CNMD: variants seen among roughly 807,000 people sequenced by gnomAD.
The protein encoded by CNMD is leukocyte cell-derived chemotaxin 1.
CNMD carries 30 observed loss-of-function variants against 37.5 expected under a neutral mutation model. The ratio of observed to expected loss-of-function variants is 0.80; its 90% CI spans 0.60 to 1.09. The LOEUF (loss-of-function observed/expected upper bound fraction) is 1.09, where lower values mean the gene tolerates loss of function less well. Among genes scored for constraint, CNMD ranks in the 50% least tolerant of loss-of-function variants. The pLI, the probability that CNMD is intolerant of heterozygous loss-of-function variation, is 0.00. For missense variants in CNMD, 398 were observed against 423.9 expected (o/e 0.94, Z 0.54); for synonymous variants, 167 against 148.2 (o/e 1.13, Z -0.92).
chr13:52,736,364 A>G (rs1964764013), intron 2 of CNMD, among the ~76,000 whole-genome samples: 2 of 151,976 alleles, frequency 1.3e-5, no homozygotes, highest in African/African-American at 4.8e-5. Context: ...CCTGACCTCA[A>G]GTGATCCTCC....
chr13:52,724,417 C>CAAAAAAAAA (rs71094319), intron 3 of CNMD, among the ~76,000 whole-genome samples: 95 of 85,560 alleles, frequency 1.1e-3, no homozygotes, highest in African/African-American at 1.4e-3. Flanking sequence ...ACTAAAAATA[C>CAAAAAAAAA]AAAAAAAAAA....
Position 52,708,649 on chromosome 13 carries a change from T to C in CNMD, c.676A>G (p.Lys226Glu). Residue 226 changes from lysine (K) to glutamate (E), a missense_variant, in exon 6 of 7, where the codon AAA becomes GAA. Lys to Glu is a moderately conservative substitution (Grantham distance 56). Coordinates refer to ENST00000377962, the MANE Select transcript of CNMD (RefSeq NM_007015.3). Reference protein sequence around the residue: ...VVRKIVPTTTKRPHSGPRSNP... With the variant: ...VVRKIVPTTTERPHSGPRSNP... ...CTCCGTGGTCCACTGTGTGGTCTTT[T>C]TGTGGTAGTTGGAACAATTTTTCTT... 6.2e-7 allele frequency: 1 copy of C among 1,612,708 alleles called. No individual in the cohort carries two copies. The highest frequency in any genetic ancestry group is 1.1e-5 in the South Asian group (1 of 90,452).
chr13:52,706,403 C>G (rs1225137858), intron 6 of CNMD, among the ~76,000 whole-genome samples: 1 of 152,132 alleles, frequency 6.6e-6, no homozygotes, highest in Non-Finnish European at 1.5e-5. Context: ...ATACTAATAG[C>G]TAATATTGAG....
chr13:52,735,827 CTT>C (rs34873599), intron 2 of CNMD, among the ~76,000 whole-genome samples: 95 of 120,606 alleles, frequency 7.9e-4, no homozygotes, highest in Admixed American at 1.1e-3. Context: ...TGCGGCCCAC[CTT>C]TTTTTTTTTT....
intron 3 of CNMD, among the ~76,000 whole-genome samples, chr13:52,732,638 C>A (rs1045248703): frequency 1.3e-5 from 2 of 152,174 alleles, no homozygotes; most frequent in Non-Finnish European, 2.9e-5. Flanking sequence ...TAGATCCCAC[C>A]TGTTGTTGAT....
chr13:52,706,815 A>T (rs1964186521), intron 6 of CNMD, among the ~76,000 whole-genome samples: 1 of 152,036 alleles, frequency 6.6e-6, no homozygotes, highest in Admixed American at 6.6e-5. Flanking sequence ...TGCTTTGGGG[A>T]GGGTGTCTGG....
chr13:52,712,678 G>GA (rs768104398), intron 5 of CNMD, 38 bp downstream of exon 5: 7 of 1,392,322 alleles, frequency 5.0e-6, no homozygotes, highest in Non-Finnish European at 6.6e-6. Context: ...CATGAACAGG[G>GA]AAAGTTGTAA....
intron 3 of CNMD, among the ~76,000 whole-genome samples, chr13:52,731,845 A>T (rs1234829553): frequency 6.6e-6 from 1 of 152,216 alleles, no homozygotes; most frequent in African/African-American, 2.4e-5. Context: ...TAGTACAAAG[A>T]AAAAATGATT....
chr13:52,738,976 C>G (rs1385563079), intron 2 of CNMD, 55 bp downstream of exon 2: 2 of 1,488,950 alleles, frequency 1.3e-6, no homozygotes, highest in Non-Finnish European at 1.8e-6. Flanking sequence ...TCGGGCTCCC[C>G]CTAGGGGCAC....
rs1420205673 is a variant in CNMD at position 52,739,391 on chromosome 13, C to T, written c.73-220G>A. On this transcript the variant is annotated intron_variant, in intron 1 of 6. Transcript: ENST00000377962. This position sits in a 1 kb window ranked among gnomAD's most constrained non-coding sequence, Gnocchi z 5.4. ...ATGAGCAAACCCCGCAGCACAGGGC[C>T]TTCGCCCCAGGACCTGCACCCTCTA... 3 of 674,042 alleles carry T rather than the reference C, an allele frequency of 4.5e-6. No individual in the cohort carries two copies. The highest frequency in any genetic ancestry group is 1.9e-5 in the South Asian group (1 of 51,804). The allele number at this position is 674,042 out of a possible 1,614,324, so 41.8% of individuals were successfully genotyped here. A position where few individuals can be genotyped will look rare whatever the true frequency, so the allele number is the denominator to read the frequency against.
At chr13:52,704,654 C>A (rs1310999515) in intron 6 of CNMD, among the ~76,000 whole-genome samples, 1 of 152,072 alleles carries the variant, frequency 6.6e-6, no homozygotes, top group Admixed American at 6.6e-5. Flanking sequence ...TCCCAAGAAA[C>A]CCTTATCTTT....
At chr13:52,726,843 G>T (rs959913292) in intron 3 of CNMD, among the ~76,000 whole-genome samples, 1 of 151,982 alleles carries the variant, frequency 6.6e-6, no homozygotes, top group African/African-American at 2.4e-5. Context: ...ACATGACAAA[G>T]AAATCAGAAA....
chr13:52,724,417 C>CAA (rs71094319), intron 3 of CNMD, among the ~76,000 whole-genome samples: 6,488 of 85,716 alleles, frequency 0.076, 315 homozygotes, highest in African/African-American at 0.1. Context: ...ACTAAAAATA[C>CAA]AAAAAAAAAA....
chr13:52,731,603 A>T (rs748399357), intron 3 of CNMD, among the ~76,000 whole-genome samples: 5 of 152,242 alleles, frequency 3.3e-5, no homozygotes, highest in Non-Finnish European at 5.9e-5. Context: ...AACACAATCG[A>T]TACCATTATT....
chr13:52,714,867 T>C (rs1054985879), intron 4 of CNMD, among the ~76,000 whole-genome samples: 2 of 152,198 alleles, frequency 1.3e-5, no homozygotes, highest in Non-Finnish European at 2.9e-5. Context: ...ATACTTTTTT[T>C]CCCTAAGATG....
chr13:52,717,841 A>T (rs755899432), intron 4 of CNMD, among the ~76,000 whole-genome samples: 9 of 152,136 alleles, frequency 5.9e-5, no homozygotes, highest in Non-Finnish European at 1.0e-4. Flanking sequence ...TAGTATCAGG[A>T]TGATGCTGGT....
intron 3 of CNMD, among the ~76,000 whole-genome samples, chr13:52,729,302 G>A (rs1436451380): frequency 1.3e-5 from 2 of 152,154 alleles, no homozygotes; most frequent in Non-Finnish European, 2.9e-5. Flanking sequence ...GCCTGGGACA[G>A]TCCTGAAGAA....
intron 2 of CNMD, among the ~76,000 whole-genome samples, chr13:52,738,486 GT>G (rs1489177153): frequency 2.6e-5 from 4 of 152,138 alleles, no homozygotes; most frequent in Non-Finnish European, 4.4e-5. Context: ...TTGTTTGTTT[GT>G]TTGTTTTTTG....
intron 4 of CNMD, among the ~76,000 whole-genome samples, chr13:52,722,299 A>G (rs1487098498): frequency 1.3e-5 from 2 of 152,174 alleles, no homozygotes; most frequent in African/African-American, 4.8e-5. Context: ...GTTTTGAGAC[A>G]CCGCCTGCAG....
Sources: allele counts gnomAD v4.1 joint callset (sites outside exome capture counted in the v4.1 genomes callset), GRCh38; gene constraint gnomAD v4.1.1; non-coding constraint Gnocchi (gnomAD v3.1); transcripts MANE v1.5; gene names NCBI Gene and HGNC (gene_info 2026-07-23, HGNC 2026-07-21).